NME7: variants seen among roughly 807,000 people sequenced by gnomAD.
NME7 encodes NME/NM23 family member 7.
In NME7, 41 loss-of-function variants were observed where a neutral mutation model predicts 49.1. The ratio of observed to expected loss-of-function variants is 0.83; its 90% CI spans 0.65 to 1.08. NME7 has a LOEUF of 1.08. NME7 is among the 50% of genes least tolerant of loss of function. NME7 has a pLI of 0.00. For synonymous variants in NME7, 139 were observed against 150.6 expected (o/e 0.92, Z 0.56); for missense variants, 423 against 463.4 (o/e 0.91, Z 0.80).
Position 169,275,524 on chromosome 1 carries a change from T to A in NME7, c.754+11779A>T, listed in dbSNP as rs1284103282. 1.6e-5 allele frequency among the ~76,000 whole-genome samples: 2 copies of A among 127,794 alleles called. 1 individual carries two copies. The highest frequency in any genetic ancestry group is 3.7e-5 in the Non-Finnish European group (2 of 54,662). The allele number at this position is 127,794 out of a possible 152,430, so 83.8% of individuals were successfully genotyped here. On this transcript the variant is annotated intron_variant, in intron 7 of 11. Transcript: ENST00000367811. The stretch of plus-strand genomic sequence containing the variant: ...AAAAAAAGAATGCTTGTGATTTTTG[T>A]ACATTGATTTTGTATCCTGAGACTT...
intron 7 of NME7, among the ~76,000 whole-genome samples, chr1:169,251,419 T>C (rs954687747): frequency 3.9e-4 from 60 of 152,070 alleles, no homozygotes; most frequent in African/African-American, 1.4e-3. Flanking sequence ...TTTGTGATTT[T>C]TAAAATCCAT....
At chr1:169,276,751 G>C (rs1649748659) in intron 7 of NME7, among the ~76,000 whole-genome samples, 2 of 133,082 alleles carry the variant, frequency 1.5e-5, no homozygotes, top group South Asian at 4.7e-4. Flanking sequence ...GTTTGCTCTT[G>C]CTTTTCTAGT....
At chr1:169,305,460 C>T (rs985758379) in intron 4 of NME7, among the ~76,000 whole-genome samples, 1 of 152,190 alleles carries the variant, frequency 6.6e-6, no homozygotes, top group African/African-American at 2.4e-5. Flanking sequence ...TTTGAACAAA[C>T]AATTTTAGAA....
chr1:169,265,587 C>G (rs1367482812), intron 7 of NME7, among the ~76,000 whole-genome samples: 1 of 131,950 alleles, frequency 7.6e-6, no homozygotes, highest in Non-Finnish European at 1.8e-5. Flanking sequence ...GAACCAAGAA[C>G]AAACCAACCC....
intron 11 of NME7, among the ~76,000 whole-genome samples, chr1:169,155,762 G>GTT (rs34178237): frequency 1.1e-4 from 15 of 141,480 alleles, no homozygotes; most frequent in Admixed American, 1.4e-4. Flanking sequence ...TTACTGTTTA[G>GTT]TTTTTTTTTT....
intron 4 of NME7, among the ~76,000 whole-genome samples, chr1:169,308,685 GAGA>G (rs779618261): frequency 9.9e-5 from 15 of 152,228 alleles, no homozygotes; most frequent in Non-Finnish European, 1.8e-4. Context: ...AAAAACTGAA[GAGA>G]AGGTTTTCCC....
At chr1:169,364,310 T>C (rs1263271600) in intron 1 of NME7, among the ~76,000 whole-genome samples, 1 of 148,254 alleles carries the variant, frequency 6.7e-6, no homozygotes, top group Non-Finnish European at 1.5e-5. Context: ...CTACATAAAA[T>C]GGTGACAAAA....
At chr1:169,273,020 T>A (rs1027342321) in intron 7 of NME7, among the ~76,000 whole-genome samples, 3 of 134,014 alleles carry the variant, frequency 2.2e-5, no homozygotes, top group African/African-American at 7.6e-5. Context: ...CTCATTGTGG[T>A]TTTGACTTGC....
chr1:169,321,530 AC>A (rs1463133020), intron 3 of NME7, among the ~76,000 whole-genome samples: 2 of 152,328 alleles, frequency 1.3e-5, no homozygotes, highest in East Asian at 3.9e-4. Context: ...AAAGACTTTT[AC>A]ATAAGATCTC....
chr1:169,253,400 G>T (rs1340881966), intron 7 of NME7, among the ~76,000 whole-genome samples: 1 of 151,470 alleles, frequency 6.6e-6, no homozygotes, highest in Non-Finnish European at 1.5e-5. Context: ...TGTGATTTTT[G>T]CACATTGATT....
intron 1 of NME7, among the ~76,000 whole-genome samples, chr1:169,325,527 G>A (rs1006010516): frequency 2.6e-5 from 4 of 151,744 alleles, no homozygotes; most frequent in African/African-American, 9.7e-5. Flanking sequence ...TATTGAGCAG[G>A]ACTTCCCATC....
chr1:169,230,249 C>T (rs1378153267), intron 10 of NME7, among the ~76,000 whole-genome samples: 1 of 152,012 alleles, frequency 6.6e-6, no homozygotes, highest in Non-Finnish European at 1.5e-5. Context: ...AAGTAGTTTG[C>T]TTTAGGAAGA....
chr1:169,194,392 C>A (rs544110416), intron 10 of NME7, among the ~76,000 whole-genome samples: 1 of 152,260 alleles, frequency 6.6e-6, no homozygotes, highest in South Asian at 2.1e-4. Context: ...TGGTAAAGTT[C>A]CATGTTACCA....
chr1:169,239,578 C>A (rs1011099406), intron 7 of NME7, among the ~76,000 whole-genome samples: 11 of 151,944 alleles, frequency 7.2e-5, no homozygotes, highest in Non-Finnish European at 1.5e-5. Flanking sequence ...CTGATCAGAT[C>A]TTGAGGATGC....
intron 1 of NME7, among the ~76,000 whole-genome samples, chr1:169,331,212 A>T (rs1213160200): frequency 6.6e-6 from 1 of 152,162 alleles, no homozygotes; most frequent in East Asian, 1.9e-4. Context: ...AAAGATAAAA[A>T]CCATACAATC....
At chr1:169,250,918 C>G (rs375916410) in intron 7 of NME7, among the ~76,000 whole-genome samples, 1 of 152,034 alleles carries the variant, frequency 6.6e-6, no homozygotes, top group Non-Finnish European at 1.5e-5. Context: ...GGAGAATGTT[C>G]TGTGTGCTGA....
At chr1:169,163,798 G>A (rs960909099) in intron 11 of NME7, among the ~76,000 whole-genome samples, 22 of 152,028 alleles carry the variant, frequency 1.4e-4, no homozygotes, top group African/African-American at 5.1e-4. Flanking sequence ...TTTTCTAAAA[G>A]TTTAAAGTTG....
chr1:169,134,822 T>C (rs1658377194), intron 11 of NME7, among the ~76,000 whole-genome samples: 1 of 151,882 alleles, frequency 6.6e-6, no homozygotes, highest in African/African-American at 2.4e-5. Flanking sequence ...AGGTGGTAAA[T>C]ATGATAAAAA....
chr1:169,161,376 G>A (rs753590599), intron 11 of NME7, among the ~76,000 whole-genome samples: 2 of 152,198 alleles, frequency 1.3e-5, no homozygotes, highest in South Asian at 2.1e-4. Context: ...GATAAATTAT[G>A]AGTGTCAGTA....
Sources: gnomAD v4.1 joint callset for allele counts (sites outside exome capture counted in the v4.1 genomes callset) on GRCh38, gnomAD v4.1.1 for gene constraint, MANE v1.5 for transcripts, NCBI Gene and HGNC (gene_info 2026-07-23, HGNC 2026-07-21) for gene names.